Variants in NRF1 observed in about 807,000 individuals in gnomAD.
NRF1 encodes alpha palindromic-binding protein.
A neutral mutation model predicts 58.5 loss-of-function variants in NRF1; 5 were observed. That is an observed-to-expected ratio of 0.09 (90% CI 0.04 to 0.18). NRF1 has a LOEUF of 0.18. Ranked by LOEUF, NRF1 falls within the 10% of genes least tolerant of loss-of-function variation. The pLI is 1.00. For synonymous variants in NRF1, 224 were observed against 246.7 expected, an observed-to-expected ratio of 0.91 and a Z score of 0.86; for missense variants, 288 against 657.7, an observed-to-expected ratio of 0.44 and a Z score of 6.15.
chr7:129,660,399 CAAAT>C (rs1303047856), intron 2 of NRF1, among the ~76,000 whole-genome samples: 1 of 150,788 alleles, frequency 6.6e-6, no homozygotes, highest in East Asian at 1.9e-4. Flanking sequence ...GTCCACAGTC[CAAAT>C]TCTCATCTGA....
chr7:129,688,037 TG>T (rs1414030063), intron 4 of NRF1, among the ~76,000 whole-genome samples: 1 of 152,210 alleles, frequency 6.6e-6, no homozygotes, highest in African/African-American at 2.4e-5. Flanking sequence ...TGGCTGAAAT[TG>T]TTTGAAACTG....
intron 1 of NRF1, among the ~76,000 whole-genome samples, chr7:129,626,914 A>T (rs1800932274): frequency 6.6e-6 from 1 of 152,240 alleles, no homozygotes; most frequent in Admixed American, 6.5e-5. Flanking sequence ...CATATCTACT[A>T]GTAGTTTTGG....
chr7:129,682,952 A>T (rs1241152366), intron 4 of NRF1, among the ~76,000 whole-genome samples: 1 of 152,028 alleles, frequency 6.6e-6, no homozygotes, highest in Non-Finnish European at 1.5e-5. Flanking sequence ...TTTTTTTGAA[A>T]CAAGATCTTG....
At position 129,624,335 on chromosome 7, in the gene NRF1, G is replaced by A. The variant is rs114655748; in HGVS notation, c.-7+12511G>A. 4.3e-3 allele frequency among the ~76,000 whole-genome samples: 661 copies of A among 152,286 alleles called. 1 individual carries two copies. The highest frequency in any genetic ancestry group is 0.015 in the African/African-American group (618 of 41,544). On this transcript the variant is annotated intron_variant, in intron 1 of 10. Transcript: ENST00000393232. The stretch of plus-strand genomic sequence containing the variant: ...TTCCACCAGATTGTAAGCTTCGTGA[G>A]AGTAGATACTGTGTTGGTGTTCATT...
At chr7:129,632,109 T>TA (rs1314952058) in intron 1 of NRF1, among the ~76,000 whole-genome samples, 2 of 152,086 alleles carry the variant, frequency 1.3e-5, no homozygotes, top group Non-Finnish European at 2.9e-5. Context: ...ACTGCATCTC[T>TA]AAAAAAATTT....
At chr7:129,688,550 G>T (rs554602609) in intron 4 of NRF1, among the ~76,000 whole-genome samples, 10 of 152,230 alleles carry the variant, frequency 6.6e-5, no homozygotes, top group African/African-American at 2.4e-4. Flanking sequence ...CTGCTATAAA[G>T]AACTAACTGT....
At chr7:129,650,625 C>T (rs1431889678) in intron 1 of NRF1, among the ~76,000 whole-genome samples, 1 of 152,096 alleles carries the variant, frequency 6.6e-6, no homozygotes, top group Non-Finnish European at 1.5e-5. Flanking sequence ...CTGGCATCAT[C>T]ATAATTAATG....
rs766208426 is a variant in NRF1, at chr7:129,741,515, A to T, written c.1349-13503A>T. On this transcript the variant is annotated intron_variant, in intron 10 of 10. Transcript: ENST00000393232. This position sits in a 1 kb window ranked among gnomAD's most constrained non-coding sequence, Gnocchi z 4.0. ...TTTCTGGCATACCAAATCCAGAGCC[A>T]TAATTGGACAAGTTTAATTGGAGTC... Among the ~76,000 whole-genome samples, 9 of 152,298 alleles carry T rather than the reference A, an allele frequency of 5.9e-5. No individual in the cohort carries two copies. Among genetic ancestry groups the T allele is most frequent in the Non-Finnish European group, 1.3e-4 (9 of 68,026 alleles).
At chr7:129,698,393 T>G (rs1802747503) in intron 5 of NRF1, among the ~76,000 whole-genome samples, 1 of 151,894 alleles carries the variant, frequency 6.6e-6, no homozygotes, top group Admixed American at 6.6e-5. Flanking sequence ...TATTTTTAGT[T>G]ATTAAAATGA....
chr7:129,637,252 GAA>G (rs35335362), intron 1 of NRF1, among the ~76,000 whole-genome samples: 29 of 133,276 alleles, frequency 2.2e-4, no homozygotes, highest in African/African-American at 5.7e-4. Flanking sequence ...AGGCTCTGCT[GAA>G]AAAAAAAAAA....
chr7:129,681,193 C>G (rs1169169884), intron 4 of NRF1, among the ~76,000 whole-genome samples: 1 of 152,172 alleles, frequency 6.6e-6, no homozygotes, highest in African/African-American at 2.4e-5. Flanking sequence ...GTGATACAGG[C>G]TAGACAGAAG....
intron 1 of NRF1, among the ~76,000 whole-genome samples, chr7:129,618,316 A>G (rs1800697955): frequency 6.6e-6 from 1 of 152,222 alleles, no homozygotes; most frequent in African/African-American, 2.4e-5. Flanking sequence ...AGAAAGGTCA[A>G]GTAAGTACCT....
At chr7:129,713,852 A>G (rs1452267382) in intron 8 of NRF1, among the ~76,000 whole-genome samples, 1 of 152,212 alleles carries the variant, frequency 6.6e-6, no homozygotes, top group Non-Finnish European at 1.5e-5. Flanking sequence ...TAGCCAAACA[A>G]AGGAGAGGGA....
intron 10 of NRF1, among the ~76,000 whole-genome samples, chr7:129,752,345 T>G: frequency 7.1e-6 from 1 of 140,188 alleles, no homozygotes. Flanking sequence ...GGCTGATAGA[T>G]TGGGGGAACT....
chr7:129,740,349 G>A (rs28585680), intron 10 of NRF1, among the ~76,000 whole-genome samples: 243 of 152,306 alleles, frequency 1.6e-3, no homozygotes, highest in African/African-American at 5.5e-3. Flanking sequence ...CACTCACACC[G>A]AATGGGAAGG....
chr7:129,624,847 T>C (rs1259722184), intron 1 of NRF1, among the ~76,000 whole-genome samples: 1 of 152,150 alleles, frequency 6.6e-6, no homozygotes, highest in Non-Finnish European at 1.5e-5. Flanking sequence ...AAGTATAGTT[T>C]TCATTTTCCT....
intron 10 of NRF1, among the ~76,000 whole-genome samples, chr7:129,738,934 G>A (rs1389228101): frequency 6.6e-6 from 1 of 152,152 alleles, no homozygotes. Context: ...AAGTAAAGAA[G>A]GCATAATACA....
At chr7:129,733,956 G>A (rs1048447041) in intron 10 of NRF1, among the ~76,000 whole-genome samples, 1 of 151,972 alleles carries the variant, frequency 6.6e-6, no homozygotes, top group South Asian at 2.1e-4. Context: ...CCAGGAGGTC[G>A]AGGCTGCAGT....
At chr7:129,743,175 T>TA (rs5887444) in intron 10 of NRF1, among the ~76,000 whole-genome samples, 172 of 146,976 alleles carry the variant, frequency 1.2e-3, no homozygotes, top group Middle Eastern at 3.4e-3. Flanking sequence ...ACCCCTTGTT[T>TA]AAAAAAAAAA....
Sources: allele counts gnomAD v4.1 joint callset (sites outside exome capture counted in the v4.1 genomes callset), GRCh38; gene constraint gnomAD v4.1.1; non-coding constraint Gnocchi (gnomAD v3.1); transcripts MANE v1.5; gene names NCBI Gene and HGNC (gene_info 2026-07-23, HGNC 2026-07-21).